Variants in ING5 observed in about 807,000 individuals in gnomAD.
ING5 encodes the protein inhibitor of growth protein 5.
Under a neutral mutation model 37.4 loss-of-function variants are expected in ING5, and 17 were observed. The observed-to-expected ratio is 0.45, with a 90% CI of 0.31 to 0.68. The LOEUF (loss-of-function observed/expected upper bound fraction) is 0.68. Among genes scored for constraint, ING5 ranks in the 30% least tolerant of loss-of-function variants. The pLI is 0.05. For synonymous variants in ING5, 123 were observed against 116.6 expected, an observed-to-expected ratio of 1.06 and a Z score of -0.36; for missense variants, 233 against 311.9, an observed-to-expected ratio of 0.75 and a Z score of 1.91.
chr2:241,707,353 C>T (rs1483819239), intron 2 of ING5, among the ~76,000 whole-genome samples: 3 of 151,798 alleles, frequency 2.0e-5, no homozygotes, highest in Non-Finnish European at 2.9e-5. Context: ...TGCAATGGCA[C>T]GATCTCAGCT....
chr2:241,705,329 C>T (rs1057200377), intron 2 of ING5, among the ~76,000 whole-genome samples: 1 of 151,784 alleles, frequency 6.6e-6, no homozygotes, highest in African/African-American at 2.4e-5. Flanking sequence ...CTGCCCGCCT[C>T]AGCCTCCCAA....
chr2:241,699,439 G>C (rs1229977154), upstream of ING5, among the ~76,000 whole-genome samples: 1 of 152,066 alleles, frequency 6.6e-6, no homozygotes, highest in Non-Finnish European at 1.5e-5. Flanking sequence ...TTTTAGGTGG[G>C]GGTCTCCGTC....
At chr2:241,715,472 AT>A (rs34545938) in intron 5 of ING5, among the ~76,000 whole-genome samples, 1,715 of 70,968 alleles carry the variant, frequency 0.024, 68 homozygotes, top group East Asian at 0.23. Context: ...CTGGAATAGA[AT>A]TTTTTTTTTT....
chr2:241,691,494 T>C (rs1165398000), intron 2 of ING5, among the ~76,000 whole-genome samples: 1 of 151,376 alleles, frequency 6.6e-6, no homozygotes, highest in Non-Finnish European at 1.5e-5. Flanking sequence ...CTTTTGCTAG[T>C]CCCTGTTTCT....
At chr2:241,719,923 G>A in intron 5 of ING5, 1 of 1,310,058 alleles carries the variant, frequency 7.6e-7, no homozygotes, top group Non-Finnish European at 9.7e-7. Context: ...GCGGGGCCCT[G>A]CGGCTCTGGA....
chr2:241,711,309 T>G, intron 3 of ING5, 68 bp from the exon 4 acceptor site: 1 of 1,121,706 alleles, frequency 8.9e-7, no homozygotes, highest in South Asian at 2.0e-5. Context: ...GTGGATACTT[T>G]TGTACATTCG....
intron 5 of ING5, among the ~76,000 whole-genome samples, chr2:241,712,644 T>C (rs1215876668): frequency 6.6e-6 from 1 of 152,164 alleles, no homozygotes; most frequent in Non-Finnish European, 1.5e-5. Context: ...GATCGTAGCA[T>C]TACCTCAGAG....
intron 2 of ING5, among the ~76,000 whole-genome samples, chr2:241,706,124 C>T (rs983452300): frequency 1.3e-5 from 2 of 152,114 alleles, no homozygotes; most frequent in African/African-American, 2.4e-5. Flanking sequence ...GCTTTCTTTC[C>T]GCAGAGCCCT....
At position 241,702,096 on chromosome 2, in the gene ING5, C is replaced by T. The variant is rs1490936560; in HGVS notation, c.31C>T (p.Leu11=). 1 of 1,361,952 alleles carries T rather than the reference C, an allele frequency of 7.3e-7. No individual in the cohort carries two copies. The highest frequency in any genetic ancestry group is 2.9e-5 in the Admixed American group (1 of 34,648). 84.4% of individuals were successfully genotyped at this position (1,361,952 alleles called of 1,614,324 possible). ...GACCGCCATGTACTTGGAGCACTAT[C>T]TGGACAGTAAGCGCGCCCCACGGGC... is the stretch of plus-strand genomic sequence containing the variant. The part of the protein sequence containing the change: MATAMYLEHY[L]DSIENLPCEL... Residue 11 remains leucine, a synonymous_variant, in exon 1 of 8, where the codon CTG becomes TTG. Transcript: ENST00000313552.
intron 5 of ING5, chr2:241,720,537 C>T: frequency 4.0e-6 from 4 of 990,480 alleles, no homozygotes; most frequent in Non-Finnish European, 4.8e-6. Flanking sequence ...TCTGGCGAGG[C>T]AGAACCTGTG....
At chr2:241,712,248 G>A in intron 5 of ING5, 177 bp downstream of exon 5, 1 of 570,434 alleles carries the variant, frequency 1.8e-6, no homozygotes. Context: ...CTTTGAGGGG[G>A]TGCCGTTGTC....
upstream of ING5, among the ~76,000 whole-genome samples, chr2:241,700,124 A>G (rs1240586258): frequency 6.9e-6 from 1 of 145,138 alleles, no homozygotes; most frequent in Non-Finnish European, 1.5e-5. Flanking sequence ...CTGGGATTAC[A>G]GGCACCAGCC....
chr2:241,701,739 G>A (rs975493307), upstream of ING5, among the ~76,000 whole-genome samples: 1 of 152,176 alleles, frequency 6.6e-6, no homozygotes, highest in East Asian at 1.9e-4. Flanking sequence ...TGGCCCAGGG[G>A]TCGCTGACAG....
chr2:241,703,630 GA>G (rs2069812549), intron 1 of ING5, among the ~76,000 whole-genome samples: 1 of 151,522 alleles, frequency 6.6e-6, no homozygotes, highest in South Asian at 2.1e-4. Flanking sequence ...GATTTTTTTT[GA>G]AATGGAGTCT....
At chr2:241,724,213 CAG>C (rs1239778832) in intron 7 of ING5, among the ~76,000 whole-genome samples, 1 of 152,122 alleles carries the variant, frequency 6.6e-6, no homozygotes, top group African/African-American at 2.4e-5. Context: ...TGTGAGGACA[CAG>C]GGAAAGGATG....
chr2:241,716,548 G>A (rs2070277763), intron 5 of ING5, among the ~76,000 whole-genome samples: 4 of 152,004 alleles, frequency 2.6e-5, no homozygotes, highest in South Asian at 4.1e-4. Context: ...ACCCACCTCG[G>A]CCTCCCAAAG....
rs535260836 is a variant in ING5, at chr2:241,720,950, G to C, written c.483-1989G>C. 7.1e-6 allele frequency: 7 copies of C among 985,628 alleles called. No individual in the cohort carries two copies. The African/African-American group carries it at 1.2e-4, about 17-fold the overall frequency. The allele number at this position is 985,628 out of a possible 1,614,324, so 61.1% of individuals were successfully genotyped here. On this transcript the variant is annotated intron_variant, in intron 5 of 7. Coordinates refer to ENST00000313552, the MANE Select transcript of ING5 (RefSeq NM_032329.6). ...AGCTTCTGGGGTGCCCTTGCTGGGC[G>C]GTCCCCTCAGGCCCCCGGCCCTCTC...
chr2:241,694,556 A>G (rs1236521425), intron 2 of ING5, among the ~76,000 whole-genome samples: 1 of 152,098 alleles, frequency 6.6e-6, no homozygotes, highest in Non-Finnish European at 1.5e-5. Flanking sequence ...AATGTGATTA[A>G]AATATTTAAG....
rs1166065968 is a variant in ING5, at chr2:241,728,707, G to A, written c.*3676G>A. ...CATGCTGGACGGGACCCCTGGGCGG[G>A]TGGACATGAGACCACTGTTGGCCAG... On this transcript the variant is annotated 3_prime_UTR_variant, in exon 8 of 8. Transcript: ENST00000313552. 1 of 152,180 alleles carries A rather than the reference G, an allele frequency of 6.6e-6. No homozygotes were observed. The highest frequency in any genetic ancestry group is 2.4e-5 in the African/African-American group (1 of 41,428). 9.4% of individuals were successfully genotyped at this position (152,180 alleles called of 1,614,324 possible).
Sources: allele counts gnomAD v4.1 joint callset (sites outside exome capture counted in the v4.1 genomes callset), GRCh38; gene constraint gnomAD v4.1.1; transcripts MANE v1.5; gene names NCBI Gene and HGNC (gene_info 2026-07-23, HGNC 2026-07-21).